Variants in RHPN2 observed in about 807,000 individuals in gnomAD.
RHPN2 encodes the protein rhophilin Rho GTPase binding protein 2, also known as rhophilin-2.
In RHPN2, 40 loss-of-function variants were observed where a neutral mutation model predicts 79.0. The observed-to-expected ratio is 0.51, with a 90% CI of 0.39 to 0.66. RHPN2 has a LOEUF of 0.66. Ranked by LOEUF, RHPN2 falls within the 30% of genes least tolerant of loss-of-function variation. The pLI, the probability that RHPN2 is intolerant of heterozygous loss-of-function variation, is 0.00. For missense variants in RHPN2, 686 were observed against 883.5 expected (o/e 0.78, Z 2.83); for synonymous variants, 285 against 363.5 (o/e 0.78, Z 2.46).
intron 2 of RHPN2, among the ~76,000 whole-genome samples, chr19:33,043,784 C>T (rs375380954): frequency 2.6e-5 from 4 of 152,110 alleles, no homozygotes; most frequent in Admixed American, 6.6e-5. Context: ...CCCTAGATCA[C>T]GGGGGTGTAC....
intron 11 of RHPN2, among the ~76,000 whole-genome samples, chr19:32,995,141 C>G (rs1971690580): frequency 6.6e-6 from 1 of 152,112 alleles, no homozygotes; most frequent in Admixed American, 6.6e-5. Flanking sequence ...GGTGGGATCA[C>G]AGCTCGCTTG....
intron 2 of RHPN2, among the ~76,000 whole-genome samples, chr19:33,034,758 T>G: frequency 7.9e-6 from 1 of 126,828 alleles, no homozygotes; most frequent in South Asian, 2.6e-4. Context: ...CACTCCAGCT[T>G]GGGCAATAGA....
chr19:33,060,632 C>T (rs1457855366), intron 1 of RHPN2, among the ~76,000 whole-genome samples: 2 of 152,056 alleles, frequency 1.3e-5, no homozygotes, highest in Admixed American at 6.6e-5. Context: ...TCGTGGGCTC[C>T]GGATATCCTC....
At chr19:33,055,733 T>TA (rs143391688) in intron 1 of RHPN2, among the ~76,000 whole-genome samples, 33,902 of 136,110 alleles carry the variant, frequency 0.25, 6,330 homozygotes, top group African/African-American at 0.53. Context: ...GCTTCTGGGT[T>TA]AAAAAAAAAA....
rs761510869 is a variant in RHPN2 at position 33,026,570 on chromosome 19, T to G, written c.248A>C (p.Asp83Ala). 2 of 1,608,944 alleles carry G rather than the reference T, an allele frequency of 1.2e-6. No homozygotes were observed. The highest frequency in any genetic ancestry group is 3.3e-5 in the Admixed American group (2 of 59,816). The part of the protein sequence containing the change: ...VRLELSFVNS[D>A]LQMLKEELEG... ...CAGCTCTTCCTTGAGCATCTGCAGG[T>G]CTGAGTTGACGAAGCTCAGCTCCAG... Residue 83 changes from aspartate (D) to alanine (A), a missense_variant, in exon 3 of 15, where the codon GAC becomes GCC. Transcript: ENST00000254260.
intron 4 of RHPN2, among the ~76,000 whole-genome samples, chr19:33,020,074 A>C (rs1158476570): frequency 6.6e-6 from 1 of 152,038 alleles, no homozygotes; most frequent in Non-Finnish European, 1.5e-5. Flanking sequence ...TCCCACTTGA[A>C]ACCCCCACTG....
intron 1 of RHPN2, among the ~76,000 whole-genome samples, chr19:33,061,938 G>A (rs1241564714): frequency 6.6e-6 from 1 of 152,118 alleles, no homozygotes; most frequent in Admixed American, 6.6e-5. Context: ...AAACTACTGG[G>A]ATTACAGGTA....
At chr19:32,999,231 A>G (rs73929405) in intron 10 of RHPN2, among the ~76,000 whole-genome samples, 18,389 of 151,988 alleles carry the variant, frequency 0.12, 2,012 homozygotes, top group African/African-American at 0.3. Flanking sequence ...AAACCAGGAC[A>G]CTGCATTACC....
At chr19:33,001,537 A>G (rs1971749005) in intron 9 of RHPN2, among the ~76,000 whole-genome samples, 1 of 152,104 alleles carries the variant, frequency 6.6e-6, no homozygotes, top group South Asian at 2.1e-4. Flanking sequence ...AATAAAATAA[A>G]ATAAATAAAA....
intron 6 of RHPN2, among the ~76,000 whole-genome samples, chr19:33,010,589 T>G (rs1174475685): frequency 1.3e-5 from 2 of 152,104 alleles, no homozygotes; most frequent in Non-Finnish European, 2.9e-5. Context: ...TTCACCATAT[T>G]GGACAGGCTG....
In RHPN2 at chr19:32,978,815, G is replaced by A. The variant is rs1370362576; in HGVS notation, c.*1181C>T. ...GATTCACGGTGTCATCGAACTTATAGCAAGATAAAAATCAATCAGTAGGAA... is the reference window on the plus strand; with the variant it reads ...GATTCACGGTGTCATCGAACTTATAACAAGATAAAAATCAATCAGTAGGAA... On this transcript the variant is annotated 3_prime_UTR_variant, in exon 15 of 15. Coordinates refer to ENST00000254260, the MANE Select transcript of RHPN2 (RefSeq NM_033103.5). The A allele has an allele frequency of 6.6e-6, 1 of 152,500 alleles. No individual in the cohort carries two copies. The highest frequency in any genetic ancestry group is 6.6e-5 in the Admixed American group (1 of 15,232). 9.4% of individuals were successfully genotyped at this position (152,500 alleles called of 1,614,324 possible).
At chr19:33,057,168 G>GA (rs1972240545) in intron 1 of RHPN2, among the ~76,000 whole-genome samples, 1 of 111,386 alleles carries the variant, frequency 9.0e-6, no homozygotes, top group Non-Finnish European at 1.6e-5. Context: ...AACACAGTGA[G>GA]ACCGTCTCTA....
intron 1 of RHPN2, among the ~76,000 whole-genome samples, chr19:33,062,928 G>T (rs1282828097): frequency 1.3e-5 from 2 of 152,120 alleles, no homozygotes; most frequent in Non-Finnish European, 2.9e-5. Context: ...ACAGGAAAAT[G>T]TGTTCTGGGA....
chr19:33,007,596 A>G (rs1412579717), intron 7 of RHPN2, among the ~76,000 whole-genome samples: 1 of 152,128 alleles, frequency 6.6e-6, no homozygotes, highest in Non-Finnish European at 1.5e-5. Flanking sequence ...CAGTTTCACT[A>G]TTTGGGAAAA....
At chr19:33,024,784 GT>G (rs1002784035) in intron 3 of RHPN2, among the ~76,000 whole-genome samples, 2 of 152,164 alleles carry the variant, frequency 1.3e-5, no homozygotes, top group Non-Finnish European at 2.9e-5. Context: ...GTTCTGTTTT[GT>G]TTTTGTGTTT....
intron 1 of RHPN2, among the ~76,000 whole-genome samples, chr19:33,062,133 T>C (rs1169358375): frequency 6.6e-6 from 1 of 152,184 alleles, no homozygotes; most frequent in Non-Finnish European, 1.5e-5. Context: ...ATGATTTTAA[T>C]TGTAAAACAA....
Position 32,991,857 on chromosome 19 carries a change from T to A in RHPN2, c.1610A>T (p.Gln537Leu). ...GCAGTAAGGATCCAGGAAGTGAACC[T>A]GAACGGGGGCGTTCCCTCTCAAGGT... is the stretch of plus-strand genomic sequence containing the variant. Reference protein sequence around the residue: ...GFTLRGNAPVQVHFLDPYCSA... With the variant: ...GFTLRGNAPVLVHFLDPYCSA... The change falls in exon 13 of 15, where the codon CAG becomes CTG. Residue 537 changes from glutamine (Q) to leucine (L), a missense_variant. Transcript: ENST00000254260. 4 of 1,613,958 alleles carry A rather than the reference T, an allele frequency of 2.5e-6. No homozygotes were observed. The highest frequency in any genetic ancestry group is 3.4e-6 in the Non-Finnish European group (4 of 1,179,856).
intron 14 of RHPN2, among the ~76,000 whole-genome samples, chr19:32,981,707 C>CTTT (rs34395682): frequency 8.1e-6 from 1 of 123,618 alleles, no homozygotes; most frequent in Non-Finnish European, 1.7e-5. Flanking sequence ...TTTCTTTTTC[C>CTTT]TTTTTTTTTT....
intron 2 of RHPN2, among the ~76,000 whole-genome samples, chr19:33,029,409 C>T (rs1199630476): frequency 2.0e-5 from 3 of 151,590 alleles, no homozygotes; most frequent in African/African-American, 4.8e-5. Flanking sequence ...ACCTGTAGTC[C>T]CAGCTACTCG....
Sources: gnomAD v4.1 joint callset for allele counts (sites outside exome capture counted in the v4.1 genomes callset) on GRCh38, gnomAD v4.1.1 for gene constraint, MANE v1.5 for transcripts, NCBI Gene and HGNC (gene_info 2026-07-23, HGNC 2026-07-21) for gene names.